TMEM132D: variants seen among roughly 807,000 people sequenced by gnomAD.
TMEM132D encodes mature OL transmembrane protein.
Under a neutral mutation model 62.3 loss-of-function variants are expected in TMEM132D, and 21 were observed. The ratio of observed to expected loss-of-function variants is 0.34; its 90% CI spans 0.24 to 0.49. TMEM132D has a LOEUF of 0.49. Among genes scored for constraint, TMEM132D ranks in the 20% least tolerant of loss-of-function variants. The pLI is 0.99. For missense variants in TMEM132D, 1,346 were observed against 1,402.8 expected (o/e 0.96, Z 0.65); for synonymous variants, 621 against 575.6 (o/e 1.08, Z -1.13).
chr12:129,294,326 T>C (rs1283580465), intron 4 of TMEM132D, among the ~76,000 whole-genome samples: 1 of 152,182 alleles, frequency 6.6e-6, no homozygotes, highest in Non-Finnish European at 1.5e-5. Flanking sequence ...AGTGAAACAA[T>C]GCAATGAAGC....
At chr12:129,580,438 G>A (rs1877815887) in intron 2 of TMEM132D, among the ~76,000 whole-genome samples, 1 of 152,186 alleles carries the variant, frequency 6.6e-6, no homozygotes, top group Admixed American at 6.5e-5. Context: ...TAAAATGTTG[G>A]AGGAAGGTTT....
intron 1 of TMEM132D, among the ~76,000 whole-genome samples, chr12:129,898,150 T>C (rs974296499): frequency 5.3e-5 from 8 of 152,192 alleles, no homozygotes; most frequent in African/African-American, 7.2e-5. Context: ...TAGCTGGTAT[T>C]ATTGACCAAA....
chr12:129,626,612 C>T (rs73157264), intron 2 of TMEM132D, among the ~76,000 whole-genome samples: 7,122 of 152,124 alleles, frequency 0.047, 269 homozygotes, highest in South Asian at 0.11. Flanking sequence ...CACCTGCCAC[C>T]ATGCCCCACT....
At chr12:129,868,971 C>A (rs1466561175) in intron 1 of TMEM132D, among the ~76,000 whole-genome samples, 1 of 152,148 alleles carries the variant, frequency 6.6e-6, no homozygotes, top group Non-Finnish European at 1.5e-5. Flanking sequence ...CTGAACTCTG[C>A]TTAGCATCTG....
intron 2 of TMEM132D, among the ~76,000 whole-genome samples, chr12:129,679,401 T>C (rs1322277528): frequency 6.6e-6 from 1 of 152,086 alleles, no homozygotes; most frequent in Admixed American, 6.5e-5. Flanking sequence ...AGCTCTTCCT[T>C]AATACAGCAA....
chr12:129,577,084 G>T (rs1259692922), intron 2 of TMEM132D, among the ~76,000 whole-genome samples: 1 of 151,770 alleles, frequency 6.6e-6, no homozygotes, highest in Non-Finnish European at 1.5e-5. Context: ...ACTCTGTATG[G>T]GCCCCATGGT....
rs112979558 is a variant in TMEM132D at position 129,172,130 on chromosome 12, G to T, written c.1443+37390C>A. ...TGCTGCAGCTTCTCCATCAGTACTT[G>T]CTGCTTCACCTTGCACTTTTATATT... is the stretch of plus-strand genomic sequence containing the variant. On this transcript the variant is annotated intron_variant, in intron 5 of 8. Transcript: ENST00000422113. Among the ~76,000 whole-genome samples the T allele has an allele frequency of 3.4e-3, 519 of 152,290 alleles. 3 individuals are homozygous for T. The highest frequency in any genetic ancestry group is 0.011 in the African/African-American group (469 of 41,554).
chr12:129,329,091 T>TG (rs1869017994), intron 4 of TMEM132D, among the ~76,000 whole-genome samples: 1 of 151,760 alleles, frequency 6.6e-6, no homozygotes, highest in African/African-American at 2.4e-5. Context: ...ATCCTGCTGC[T>TG]GCAGGTACCA....
At chr12:129,309,644 T>C (rs912311602) in intron 4 of TMEM132D, among the ~76,000 whole-genome samples, 2 of 152,098 alleles carry the variant, frequency 1.3e-5, no homozygotes, top group African/African-American at 4.8e-5. Context: ...GATCTTCTTT[T>C]CCATTGTTGC....
intron 4 of TMEM132D, among the ~76,000 whole-genome samples, chr12:129,296,271 G>A (rs188203696): frequency 4.4e-4 from 67 of 152,216 alleles, no homozygotes; most frequent in African/African-American, 1.5e-3. Context: ...TTTTGAGTAC[G>A]TTATCTCATT....
At chr12:129,816,431 G>A (rs926799076) in intron 1 of TMEM132D, among the ~76,000 whole-genome samples, 6 of 152,054 alleles carry the variant, frequency 3.9e-5, no homozygotes, top group African/African-American at 9.7e-5. Flanking sequence ...CCATCGCCCC[G>A]CTTCTGAAAA....
At chr12:129,415,696 T>C (rs946734781) in intron 3 of TMEM132D, among the ~76,000 whole-genome samples, 3 of 152,202 alleles carry the variant, frequency 2.0e-5, no homozygotes, top group African/African-American at 4.8e-5. Context: ...TCCTCTGCAA[T>C]GATGTTGTCT....
rs114354865 is a variant in TMEM132D, at chr12:129,807,533, C to T, written c.79+95728G>A. Among the ~76,000 whole-genome samples the T allele has an allele frequency of 4.9e-3, 747 of 152,324 alleles. 7 individuals carry two copies. The highest frequency in any genetic ancestry group is 0.017 in the African/African-American group (708 of 41,586). ...TATCCACTGGCCACATGCTGTAGTTCTCCTCTCTCTAAGATGCTCATGTAT... is the reference window on the plus strand; with the variant it reads ...TATCCACTGGCCACATGCTGTAGTTTTCCTCTCTCTAAGATGCTCATGTAT... On this transcript the variant is annotated intron_variant, in intron 1 of 8. Coordinates refer to ENST00000422113, the MANE Select transcript of TMEM132D (RefSeq NM_133448.3).
intron 1 of TMEM132D, among the ~76,000 whole-genome samples, chr12:129,854,234 T>C (rs1873642201): frequency 6.6e-6 from 1 of 152,206 alleles, no homozygotes. Flanking sequence ...ACTTTCACTA[T>C]GTCCCAGGCA....
intron 2 of TMEM132D, among the ~76,000 whole-genome samples, chr12:129,589,764 A>G (rs1473761753): frequency 2.0e-5 from 3 of 152,178 alleles, no homozygotes; most frequent in Non-Finnish European, 2.9e-5. Context: ...AGACAGAGTT[A>G]TCGCAGCTCA....
At chr12:129,606,955 C>A (rs1398212045) in intron 2 of TMEM132D, among the ~76,000 whole-genome samples, 1 of 152,138 alleles carries the variant, frequency 6.6e-6, no homozygotes, top group South Asian at 2.1e-4. Flanking sequence ...TTCCAACGAA[C>A]ATTTATTATG....
At chr12:129,485,269 T>G (rs114234328) in intron 3 of TMEM132D, among the ~76,000 whole-genome samples, 1,967 of 152,176 alleles carry the variant, frequency 0.013, 43 homozygotes, top group African/African-American at 0.044. Context: ...GCAGGGATAT[T>G]TATCCACCAT....
intron 3 of TMEM132D, among the ~76,000 whole-genome samples, chr12:129,464,924 C>A (rs1475444983): frequency 6.6e-6 from 1 of 150,580 alleles, no homozygotes; most frequent in East Asian, 1.9e-4. Context: ...CAGCTTTGTT[C>A]TTTTGGCTTA....
intron 4 of TMEM132D, among the ~76,000 whole-genome samples, chr12:129,326,451 TA>T (rs566982106): frequency 1.1e-3 from 163 of 152,186 alleles, no homozygotes; most frequent in African/African-American, 3.6e-3. Flanking sequence ...TATACGTGGT[TA>T]AAAAAAATCA....
Sources: allele counts gnomAD v4.1 joint callset (sites outside exome capture counted in the v4.1 genomes callset), GRCh38; gene constraint gnomAD v4.1.1; transcripts MANE v1.5; gene names NCBI Gene and HGNC (gene_info 2026-07-23, HGNC 2026-07-21).